DLGAP2: variants seen among roughly 807,000 people sequenced by gnomAD.
DLGAP2 encodes disks large-associated protein 2.
DLGAP2 carries 26 observed loss-of-function variants against 100.3 expected under a neutral mutation model. The observed-to-expected ratio is 0.26, with a 90% CI of 0.19 to 0.36. The LOEUF (loss-of-function observed/expected upper bound fraction) is 0.36, where lower values mean the gene tolerates loss of function less well. Among genes scored for constraint, DLGAP2 ranks in the 10% least tolerant of loss-of-function variants. The pLI, the probability that DLGAP2 is intolerant of heterozygous loss-of-function variation, is 1.00. For synonymous variants in DLGAP2, 886 were observed against 630.1 expected (o/e 1.41, Z -6.08); for missense variants, 1,858 against 1,453.2 (o/e 1.28, Z -4.53).
intron 3 of DLGAP2, among the ~76,000 whole-genome samples, chr8:1,296,479 G>A (rs1389124800): frequency 6.6e-6 from 1 of 152,184 alleles, no homozygotes; most frequent in South Asian, 2.1e-4. Context: ...TATTGTATGT[G>A]TGTCTCCAGG....
intron 13 of DLGAP2, among the ~76,000 whole-genome samples, chr8:1,695,212 TACA>T (rs1799352883): frequency 6.6e-6 from 1 of 151,856 alleles, no homozygotes. Context: ...TGCCCGGCCC[TACA>T]GAAAGAGGGG....
chr8:867,180 G>T (rs1195995332), intron 1 of DLGAP2, among the ~76,000 whole-genome samples: 1 of 152,222 alleles, frequency 6.6e-6, no homozygotes, highest in African/African-American at 2.4e-5. Context: ...TGTTATCTTT[G>T]TTGATCGGGG....
chr8:800,338 TGATGTTTGTTTGGTGTTGCCTGCAAAG>T (rs1796122825), intron 1 of DLGAP2, among the ~76,000 whole-genome samples: 1 of 152,214 alleles, frequency 6.6e-6, no homozygotes, highest in Non-Finnish European at 1.5e-5. Context: ...GGCAGTTCTG[TGATGTTTGTTTGGTGTTGCCTGCAAAG>T]GAGAATCAGC....
intron 1 of DLGAP2, among the ~76,000 whole-genome samples, chr8:773,875 G>C (rs985519800): frequency 2.0e-5 from 3 of 152,100 alleles, no homozygotes; most frequent in Non-Finnish European, 4.4e-5. Flanking sequence ...TAATGGGATG[G>C]CTGGGTCAAA....
chr8:1,245,688 A>T (rs190685257), intron 2 of DLGAP2, among the ~76,000 whole-genome samples: 1 of 152,226 alleles, frequency 6.6e-6, no homozygotes, highest in Non-Finnish European at 1.5e-5. Context: ...TGAGTATGCT[A>T]TTGAGCTGTG....
chr8:1,377,772 TTC>T (rs1358972083), intron 3 of DLGAP2: 11 of 82,760 alleles, frequency 1.3e-4, no homozygotes, highest in African/African-American at 3.9e-4. Flanking sequence ...CCAGCACAGC[TTC>T]TTCATGTTTT....
chr8:1,058,313 A>G (rs1024633137), intron 2 of DLGAP2, among the ~76,000 whole-genome samples: 2 of 152,210 alleles, frequency 1.3e-5, no homozygotes, highest in Non-Finnish European at 2.9e-5. Flanking sequence ...CTGAGAGAAT[A>G]AGCCCGAATT....
intron 3 of DLGAP2, among the ~76,000 whole-genome samples, chr8:1,267,608 T>TAAA (rs1205109559): frequency 0.077 from 7,579 of 98,598 alleles, 1,183 homozygotes; most frequent in East Asian, 0.27. Context: ...TAAGATAAGA[T>TAAA]AAGATAAGAT....
intron 3 of DLGAP2, among the ~76,000 whole-genome samples, chr8:1,332,909 C>A (rs1801190768): frequency 6.6e-6 from 1 of 152,132 alleles, no homozygotes; most frequent in South Asian, 2.1e-4. Context: ...GGGAGTGGGA[C>A]CACTTGCTGA....
chr8:1,075,883 G>A (rs949220156), intron 2 of DLGAP2, among the ~76,000 whole-genome samples: 4 of 151,280 alleles, frequency 2.6e-5, no homozygotes, highest in Admixed American at 6.6e-5. Flanking sequence ...CCTGGGCAAC[G>A]GAGGGAGACC....
chr8:1,697,149 C>A lies in DLGAP2; in HGVS notation c.2799C>A (p.Asp933Glu), dbSNP rs1799419966. 1 of 1,580,008 alleles carries A rather than the reference C, an allele frequency of 6.3e-7. No individual in the cohort carries two copies. The highest frequency in any genetic ancestry group is 8.6e-7 in the Non-Finnish European group (1 of 1,161,660). Residue 933 changes from aspartate to glutamate, a missense_variant and splice_region_variant, in exon 14 of 15, where the codon GAC (aspartate) becomes GAA (glutamate). Asp to Glu is a conservative substitution (Grantham distance 45). Transcript: ENST00000637795. Reference sequence around the variant, plus strand: ...GAACACCCTGTGTGTGTCCCCAGGACCCCAGCGCCATGCCGAGGCCGACGT... The same window carrying A: ...GAACACCCTGTGTGTGTCCCCAGGAACCCAGCGCCATGCCGAGGCCGACGT... ...QFYWLCQQNMDPSAMPRPTSQ... is the reference protein window; with the variant it reads ...QFYWLCQQNMEPSAMPRPTSQ...
At chr8:1,525,218 T>A (rs1032277459) in intron 4 of DLGAP2, among the ~76,000 whole-genome samples, 8 of 148,430 alleles carry the variant, frequency 5.4e-5, no homozygotes, top group African/African-American at 2.0e-4. Context: ...TTTTTTGATA[T>A]ATGACATTGT....
intron 2 of DLGAP2, among the ~76,000 whole-genome samples, chr8:936,205 C>T (rs1185971092): frequency 6.6e-6 from 1 of 152,058 alleles, no homozygotes; most frequent in Non-Finnish European, 1.5e-5. Flanking sequence ...TCTGTGTGGC[C>T]CGGTCAGCAG....
At chr8:1,064,954 A>G (rs937116116) in intron 2 of DLGAP2, among the ~76,000 whole-genome samples, 3 of 152,214 alleles carry the variant, frequency 2.0e-5, no homozygotes, top group African/African-American at 4.8e-5. Flanking sequence ...TGAGAGGTGT[A>G]GAAAGGTGGT....
intron 3 of DLGAP2, among the ~76,000 whole-genome samples, chr8:1,323,979 C>T (rs1005748050): frequency 2.0e-5 from 3 of 152,156 alleles, no homozygotes; most frequent in Non-Finnish European, 4.4e-5. Flanking sequence ...CGTTTCGACA[C>T]AGTAAAGAAG....
At chr8:1,474,035 T>C (rs1203232646) in intron 3 of DLGAP2, among the ~76,000 whole-genome samples, 1 of 152,008 alleles carries the variant, frequency 6.6e-6, no homozygotes, top group Non-Finnish European at 1.5e-5. Context: ...CTTTTATCCT[T>C]CACCCCTTCC....
chr8:921,849 G>T (rs2129001582), intron 2 of DLGAP2, among the ~76,000 whole-genome samples: 1 of 152,364 alleles, frequency 6.6e-6, no homozygotes, highest in South Asian at 2.1e-4. Flanking sequence ...ACCCACCGCT[G>T]GTCTCTGCTC....
intron 6 of DLGAP2, among the ~76,000 whole-genome samples, chr8:1,580,543 G>C (rs1803191738): frequency 6.6e-6 from 1 of 152,210 alleles, no homozygotes; most frequent in Non-Finnish European, 1.5e-5. Flanking sequence ...GACGAAAGCA[G>C]AGCAGAACAG....
intron 2 of DLGAP2, among the ~76,000 whole-genome samples, chr8:975,130 T>TAC (rs1181815324): frequency 1.3e-5 from 2 of 152,118 alleles, no homozygotes; most frequent in Non-Finnish European, 2.9e-5. Context: ...TGTCCAAGAA[T>TAC]TTGATAACCT....
Sources: allele counts gnomAD v4.1 joint callset (sites outside exome capture counted in the v4.1 genomes callset), GRCh38; gene constraint gnomAD v4.1.1; transcripts MANE v1.5; gene names NCBI Gene and HGNC (gene_info 2026-07-23, HGNC 2026-07-21).